Variants in DOLK observed in about 807,000 individuals in gnomAD.
DOLK encodes the protein dolichol kinase, also known as SEC59 homolog.
Under a neutral mutation model 31.7 loss-of-function variants are expected in DOLK, and 20 were observed. The observed-to-expected ratio is 0.63, with a 90% CI of 0.44 to 0.92. The LOEUF (loss-of-function observed/expected upper bound fraction) is 0.92, where lower values mean the gene tolerates loss of function less well. Among genes scored for constraint, DOLK ranks in the 40% least tolerant of loss-of-function variants. The pLI is 0.00. For synonymous variants in DOLK, 309 were observed against 287.0 expected (o/e 1.08, Z -0.77); for missense variants, 594 against 680.7 (o/e 0.87, Z 1.42).
At position 128,947,356 on chromosome 9, in the gene DOLK, C is replaced by T; in HGVS notation, c.-53G>A. ...CCGGGGCGACTACGGACGCCCTAGA[C>T]TTCGGGCCCCTCAGCCCCGTCAAGC... On this transcript the variant is annotated 5_prime_UTR_variant, in exon 1 of 1. Coordinates refer to ENST00000372586, the MANE Select transcript of DOLK (RefSeq NM_014908.4). The T allele has an allele frequency of 6.2e-7, 1 of 1,607,002 alleles. No individual in the cohort carries two copies.
Position 128,947,482 on chromosome 9 carries a change from C to G in DOLK, c.-179G>C, listed in dbSNP as rs1404770636. ...GTCACTTCTGCGGCCTGGGAGCTGG[C>G]GCCCGGCCACCCCCCACAGCCTCCA... is the stretch of plus-strand genomic sequence containing the variant. On this transcript the variant is annotated 5_prime_UTR_variant, in exon 1 of 1. Coordinates refer to ENST00000372586, the MANE Select transcript of DOLK (RefSeq NM_014908.4). The G allele has an allele frequency of 1.1e-6, 1 of 943,766 alleles. No homozygotes were observed. Among genetic ancestry groups the G allele is most frequent in the Non-Finnish European group, 1.6e-6 (1 of 624,140 alleles). 58.5% of individuals were successfully genotyped at this position (943,766 alleles called of 1,614,324 possible).
chr9:128,946,050 G>A lies in DOLK; in HGVS notation c.1254C>T (p.Pro418=). The A allele has an allele frequency of 6.2e-7, 1 of 1,614,152 alleles. No individual in the cohort carries two copies. Among genetic ancestry groups the A allele is most frequent in the East Asian group, 2.2e-5 (1 of 44,884 alleles). The part of the protein sequence containing the change: ...HIYLLLGMSL[P]IWLIPRPCTQ... The stretch of plus-strand genomic sequence containing the variant: ...TGCAGGGTCTGGGGATCAGCCAGAT[G>A]GGAAGAGACATGCCCAGGAGCAGGT... The change falls in exon 1 of 1, where the codon CCC becomes CCT. Residue 418 remains proline, a synonymous_variant. Transcript: ENST00000372586.
At position 128,947,580 on chromosome 9, in the gene DOLK, C is replaced by T. The variant is rs558615878; in HGVS notation, c.-277G>A. ...GCCGCCCCCGCTGCCGGCTCCTCAC[C>T]TCTTTGGGCCTCGCCATCTTGGCAC... On this transcript the variant is annotated 5_prime_UTR_variant, in exon 1 of 1. Coordinates refer to ENST00000372586, the MANE Select transcript of DOLK (RefSeq NM_014908.4). 226 of 1,128,646 alleles carry T rather than the reference C, an allele frequency of 2.0e-4. No individual in the cohort carries two copies. The highest frequency in any genetic ancestry group is 2.7e-4 in the Non-Finnish European group (218 of 814,216). The allele number at this position is 1,128,646 out of a possible 1,614,324, so 69.9% of individuals were successfully genotyped here. A position where few individuals can be genotyped will look rare whatever the true frequency, so the allele number is the denominator to read the frequency against.
chr9:128,946,428 G>C lies in DOLK; in HGVS notation c.876C>G (p.Phe292Leu), dbSNP rs147342916. ...GGAGGTAGATGCGGGTGTCTGTCTG[G>C]AAGAGAAACTGAAGAAGCCAGAGCA... ...NPLLWLLQFL[F>L]QTDTRIYLLA... is the part of the protein sequence containing the mutation. The change falls in exon 1 of 1, where the codon TTC (phenylalanine) becomes TTG (leucine). Residue 292 changes from phenylalanine (F) to leucine (L), a missense_variant. Coordinates refer to ENST00000372586, the MANE Select transcript of DOLK (RefSeq NM_014908.4). 54 of 1,614,126 alleles carry C rather than the reference G, an allele frequency of 3.3e-5. 1 individual carries two copies. The Middle Eastern group carries it at 4.9e-4, about 15-fold the overall frequency.
Position 128,946,938 on chromosome 9 carries a change from G to A in DOLK, c.366C>T (p.Ala122=). 6.2e-7 allele frequency: 1 copy of A among 1,602,536 alleles called. No homozygotes were observed. Among genetic ancestry groups the A allele is most frequent in the Non-Finnish European group, 8.5e-7 (1 of 1,178,680 alleles). Residue 122 remains alanine, a synonymous_variant, in exon 1 of 1, where the codon GCC becomes GCT. Coordinates refer to ENST00000372586, the MANE Select transcript of DOLK (RefSeq NM_014908.4). ...CGAGCGCCAACACTGATGAGAAGAG[G>A]GCCACTGCCATGCCAGTGGCTGCCA... is the stretch of plus-strand genomic sequence containing the variant. ...IVVAATGMAV[A]LFSSVLALGI...
In DOLK at chr9:128,947,377, C is replaced by A; in HGVS notation, c.-74G>T. 3 of 1,579,538 alleles carry A rather than the reference C, an allele frequency of 1.9e-6. No individual in the cohort carries two copies. The highest frequency in any genetic ancestry group is 1.1e-5 in the South Asian group (1 of 89,450). On this transcript the variant is annotated 5_prime_UTR_variant, in exon 1 of 1. Coordinates refer to ENST00000372586, the MANE Select transcript of DOLK (RefSeq NM_014908.4). The stretch of plus-strand genomic sequence containing the variant: ...TAGACTTCGGGCCCCTCAGCCCCGT[C>A]AAGCAGAGGGAGGCACTTTCACCCG...
At position 128,947,581 on chromosome 9, in the gene DOLK, T is replaced by C. The variant is rs1401195672; in HGVS notation, c.-278A>G. 2.7e-6 allele frequency: 3 copies of C among 1,128,742 alleles called. No individual in the cohort carries two copies. The highest frequency in any genetic ancestry group is 3.0e-4 in the Middle Eastern group (1 of 3,300). The allele number at this position is 1,128,742 out of a possible 1,614,324, so 69.9% of individuals were successfully genotyped here. ...CCGCCCCCGCTGCCGGCTCCTCACC[T>C]CTTTGGGCCTCGCCATCTTGGCACC... On this transcript the variant is annotated 5_prime_UTR_variant, in exon 1 of 1. Transcript: ENST00000372586.
In DOLK at chr9:128,947,102, T is replaced by A. The variant is rs2131129139; in HGVS notation, c.202A>T (p.Ser68Cys). Reference protein sequence around the residue: ...YKWDRLLQQGSAVFQFRMSAN... With the variant: ...YKWDRLLQQGCAVFQFRMSAN... ...GACATTCGGAACTGGAAGACGGCGCTTCCCTGCTGTAGCAGCCGGTCCCAC... is the reference window on the plus strand; with the variant it reads ...GACATTCGGAACTGGAAGACGGCGCATCCCTGCTGTAGCAGCCGGTCCCAC... Residue 68 changes from serine to cysteine, a missense_variant, in exon 1 of 1, where the codon AGC becomes TGC. Physicochemically the swap from Ser to Cys is moderately radical, Grantham distance 112. Coordinates refer to ENST00000372586, the MANE Select transcript of DOLK (RefSeq NM_014908.4). 1 of 1,613,964 alleles carries A rather than the reference T, an allele frequency of 6.2e-7. No individual in the cohort carries two copies. Among genetic ancestry groups the A allele is most frequent in the South Asian group, 1.1e-5 (1 of 91,086 alleles).
In DOLK at chr9:128,947,023, A is replaced by G; in HGVS notation, c.281T>C (p.Val94Ala). The change falls in exon 1 of 1, where the codon GTC (valine) becomes GCC (alanine). Residue 94 changes from valine (V) to alanine (A), a missense_variant. Val to Ala is a moderately conservative substitution (Grantham distance 64, BLOSUM62 0). Transcript: ENST00000372586. ...ASMVMPLLGL[V>A]MKERCQTAGN... Reference sequence around the variant, plus strand: ...AGCAGTCTGGCACCGCTCCTTCATGACTAGTCCAAGCAAAGGCATGACCAT... The same window carrying G: ...AGCAGTCTGGCACCGCTCCTTCATGGCTAGTCCAAGCAAAGGCATGACCAT... The G allele has an allele frequency of 6.2e-7, 1 of 1,612,516 alleles. No homozygotes were observed. The highest frequency in any genetic ancestry group is 1.1e-5 in the South Asian group (1 of 91,086).
At position 128,946,279 on chromosome 9, in the gene DOLK, A is replaced by G; in HGVS notation, c.1025T>C (p.Leu342Pro). 1 of 1,614,104 alleles carries G rather than the reference A, an allele frequency of 6.2e-7. No individual in the cohort carries two copies. The highest frequency in any genetic ancestry group is 8.5e-7 in the Non-Finnish European group (1 of 1,180,030). ...APTIARKYFH[L>P]IVVATYIPGI... ...TGGGATGTAGGTGGCTACCACAATG[A>G]GGTGGAAATACTTTCGGGCGATGGT... The change falls in exon 1 of 1, where the codon CTC becomes CCC. Residue 342 changes from leucine (L) to proline (P), a missense_variant. Physicochemically the swap from Leu to Pro is moderately conservative, Grantham distance 98. Transcript: ENST00000372586.
chr9:128,946,605 C>T lies in DOLK; in HGVS notation c.699G>A (p.Gly233=). The change falls in exon 1 of 1, where the codon GGG becomes GGA. Residue 233 remains glycine (G), a synonymous_variant. Transcript: ENST00000372586. ...VDFFLLVVVV[G]MVLMGIFFST... Reference sequence around the variant, plus strand: ...TGAAGAAAATGCCCATGAGTACCATCCCTACTACCACCACCAGCAGGAAGA... The same window carrying T: ...TGAAGAAAATGCCCATGAGTACCATTCCTACTACCACCACCAGCAGGAAGA... The T allele has an allele frequency of 6.2e-7, 1 of 1,614,114 alleles. No homozygotes were observed. Among genetic ancestry groups the T allele is most frequent in the Non-Finnish European group, 8.5e-7 (1 of 1,180,018 alleles).
chr9:128,945,881 C>T lies in DOLK; in HGVS notation c.1423G>A (p.Gly475Arg), dbSNP rs756721128. 2 of 1,614,194 alleles carry T rather than the reference C, an allele frequency of 1.2e-6. No homozygotes were observed. Among genetic ancestry groups the T allele is most frequent in the East Asian group, 4.5e-5 (2 of 44,880 alleles). Residue 475 changes from glycine to arginine, a missense_variant, in exon 1 of 1, where the codon GGG (glycine) becomes AGG (arginine). Physicochemically the swap from Gly to Arg is moderately radical, Grantham distance 125 (BLOSUM62 -2). Coordinates refer to ENST00000372586, the MANE Select transcript of DOLK (RefSeq NM_014908.4). ...RWPGTKKTFE[G>R]TMTSIFAQII... The stretch of plus-strand genomic sequence containing the variant: ...TGCGCAAATATAGATGTCATGGTCC[C>T]CTCAAAAGTCTTTTTGGTTCCAGGC...
Position 128,947,261 on chromosome 9 carries a change from G to C in DOLK, c.43C>G (p.Pro15Ala), listed in dbSNP as rs920091953. The C allele has an allele frequency of 6.2e-7, 1 of 1,613,436 alleles. No individual in the cohort carries two copies. The highest frequency in any genetic ancestry group is 2.2e-5 in the East Asian group (1 of 44,850). The stretch of plus-strand genomic sequence containing the variant: ...TCTGCCAGCACCGATCCACTCAGCG[G>C]AGCCCCAGGCCCCGGGGCCGGAGAT... ...CPSPAPGPGA[P>A]LSGSVLAEAA... The change falls in exon 1 of 1, where the codon CCG becomes GCG. Residue 15 changes from proline (P) to alanine (A), a missense_variant. Pro to Ala is a conservative substitution (Grantham distance 27). Coordinates refer to ENST00000372586, the MANE Select transcript of DOLK (RefSeq NM_014908.4).
Position 128,947,055 on chromosome 9 carries a change from G to A in DOLK, c.249C>T (p.Pro83=). The change falls in exon 1 of 1, where the codon CCC becomes CCT. Residue 83 remains proline (P), a synonymous_variant. Transcript: ENST00000372586. The part of the protein sequence containing the change: ...FRMSANSGLL[P]ASMVMPLLGL... ...CAAGCAAAGGCATGACCATGGAGGC[G>A]GGCAATAGGCCACTGTTTGCGGACA... 1 of 1,613,726 alleles carries A rather than the reference G, an allele frequency of 6.2e-7. No individual in the cohort carries two copies. The highest frequency in any genetic ancestry group is 1.1e-5 in the South Asian group (1 of 91,078).
At position 128,946,671 on chromosome 9, in the gene DOLK, G is replaced by A. The variant is rs147647278; in HGVS notation, c.633C>T (p.Arg211=). Residue 211 remains arginine (R), a synonymous_variant, in exon 1 of 1, where the codon CGC becomes CGT. Coordinates refer to ENST00000372586, the MANE Select transcript of DOLK (RefSeq NM_014908.4). ...ISFVLNQLIK[R]SLTLVESQGD... ...CCTGACTTTCCACCAGTGTCAGAGA[G>A]CGCTTGATGAGCTGGTTGAGGACAA... 2.9e-5 allele frequency: 47 copies of A among 1,614,038 alleles called. 1 individual carries two copies. In the African/African-American group the frequency reaches 5.9e-4, roughly 20 times the overall value.
At position 128,947,034 on chromosome 9, in the gene DOLK, C is replaced by T; in HGVS notation, c.270G>A (p.Leu90=). ...GLLPASMVMP[L]LGLVMKERCQ... ...ACCGCTCCTTCATGACTAGTCCAAG[C>T]AAAGGCATGACCATGGAGGCGGGCA... The change falls in exon 1 of 1, where the codon TTG becomes TTA. Residue 90 remains leucine, a synonymous_variant. Coordinates refer to ENST00000372586, the MANE Select transcript of DOLK (RefSeq NM_014908.4). 1 of 1,613,140 alleles carries T rather than the reference C, an allele frequency of 6.2e-7. No homozygotes were observed. Among genetic ancestry groups the T allele is most frequent in the South Asian group, 1.1e-5 (1 of 91,084 alleles).
In DOLK at chr9:128,946,202, C is replaced by T. The variant is rs758196782; in HGVS notation, c.1102G>A (p.Ala368Thr). Residue 368 changes from alanine to threonine, a missense_variant, in exon 1 of 1, where the codon GCG (alanine) becomes ACG (threonine). Ala to Thr is a moderately conservative substitution (Grantham distance 58). Transcript: ENST00000372586. ...LLYVAATVCL[A>T]VFIFLEYVRY... ...ACATACTCCAGGAAGATGAAGACCG[C>T]CAGGCATACAGTGGCGGCTACATAG... The T allele has an allele frequency of 5.6e-6, 9 of 1,614,182 alleles. No individual in the cohort carries two copies. Among genetic ancestry groups the T allele is most frequent in the South Asian group, 1.1e-5 (1 of 91,088 alleles).
rs375939944 is a variant in DOLK, at chr9:128,946,293, T to C, written c.1011A>G (p.Arg337=). ...CTACCACAATGAGGTGGAAATACTT[T>C]CGGGCGATGGTGGGGGCCTGGTGCT... The part of the protein sequence containing the change: ...SKKHQAPTIA[R]KYFHLIVVAT... Residue 337 remains arginine, a synonymous_variant, in exon 1 of 1, where the codon CGA becomes CGG. Transcript: ENST00000372586. 11 of 1,613,978 alleles carry C rather than the reference T, an allele frequency of 6.8e-6. No individual in the cohort carries two copies. In the African/African-American group the frequency reaches 1.3e-4, roughly 20 times the overall value.
At position 128,945,745 on chromosome 9, in the gene DOLK, G is replaced by A; in HGVS notation, c.1559C>T (p.Thr520Ile). The change falls in exon 1 of 1, where the codon ACT becomes ATT. Residue 520 changes from threonine to isoleucine, a missense_variant. By Grantham distance (89) the Thr-to-Ile change is moderately conservative. Transcript: ENST00000372586. ...CAGAAGGAGATTGTCTATCTGTGTA[G>A]TGTATGCTTCCAGGAGGGACACAGT... ...ISTVSLLEAY[T>I]TQIDNLLLPL... 4.3e-6 allele frequency: 7 copies of A among 1,614,168 alleles called. No homozygotes were observed. Among genetic ancestry groups the A allele is most frequent in the Non-Finnish European group, 5.9e-6 (7 of 1,180,040 alleles).
Sources: gnomAD v4.1 joint callset for allele counts on GRCh38, gnomAD v4.1.1 for gene constraint, MANE v1.5 for transcripts, NCBI Gene and HGNC (gene_info 2026-07-23, HGNC 2026-07-21) for gene names.